PSPC1: variants seen among roughly 807,000 people sequenced by gnomAD.
PSPC1 encodes paraspeckle component 1.
Under a neutral mutation model 51.6 loss-of-function variants are expected in PSPC1, and 14 were observed. That is an observed-to-expected ratio of 0.27 (90% confidence interval 0.18 to 0.42). PSPC1 has a LOEUF of 0.42. PSPC1 is among the 10% of genes least tolerant of loss of function. The probability of loss-of-function intolerance (pLI) is 1.00; values close to 1 mark genes in which losing one functional copy is unlikely to be tolerated. For synonymous variants in PSPC1, 193 were observed against 231.9 expected, an observed-to-expected ratio of 0.83 and a Z score of 1.53; for missense variants, 406 against 701.1, an observed-to-expected ratio of 0.58 and a Z score of 4.75.
At chr13:19,741,242 A>C (rs575204571) in intron 5 of PSPC1, among the ~76,000 whole-genome samples, 1 of 152,206 alleles carries the variant, frequency 6.6e-6, no homozygotes, top group African/African-American at 2.4e-5. Context: ...AGAGTTTTAC[A>C]CATAACAAAA....
At chr13:19,703,744 G>C (rs1403962369) in intron 8 of PSPC1, among the ~76,000 whole-genome samples, 1 of 151,738 alleles carries the variant, frequency 6.6e-6, no homozygotes, top group African/African-American at 2.4e-5. Flanking sequence ...AAAAAAATCA[G>C]AGAAATAAAA....
downstream of PSPC1, chr13:19,671,310 T>A: frequency 6.3e-7 from 1 of 1,586,540 alleles, no homozygotes; most frequent in Non-Finnish European, 8.6e-7. Context: ...TTTCTTCACA[T>A]TTAGTGTCAC....
At chr13:19,764,001 T>C (rs1234151234) in intron 2 of PSPC1, among the ~76,000 whole-genome samples, 1 of 149,908 alleles carries the variant, frequency 6.7e-6, no homozygotes, top group African/African-American at 2.5e-5. Flanking sequence ...AAACCCTGTC[T>C]CGGAAAAAAA....
chr13:19,732,016 T>C (rs1334854161), intron 5 of PSPC1, among the ~76,000 whole-genome samples: 1 of 152,196 alleles, frequency 6.6e-6, no homozygotes, highest in Non-Finnish European at 1.5e-5. Flanking sequence ...AATCCTCAAA[T>C]TTCAAGATAC....
At chr13:19,681,034 A>T (rs1182034690) in intron 6 of PSPC1, among the ~76,000 whole-genome samples, 1 of 152,140 alleles carries the variant, frequency 6.6e-6, no homozygotes, top group African/African-American at 2.4e-5. Flanking sequence ...CGTGGGCAAC[A>T]TAGCAAGATG....
intron 2 of PSPC1, among the ~76,000 whole-genome samples, chr13:19,767,297 G>A (rs1403692269): frequency 6.6e-6 from 1 of 152,172 alleles, no homozygotes; most frequent in East Asian, 1.9e-4. Flanking sequence ...GATATAGCAC[G>A]AATTTCAGTT....
At chr13:19,686,841 G>T (rs1029662604) in intron 6 of PSPC1, among the ~76,000 whole-genome samples, 1 of 152,164 alleles carries the variant, frequency 6.6e-6, no homozygotes, top group Non-Finnish European at 1.5e-5. Flanking sequence ...ATAAGAGAAT[G>T]GGGTTAGTCC....
At chr13:19,677,969 T>C (rs778488533) in intron 6 of PSPC1, 2 of 342,562 alleles carry the variant, frequency 5.8e-6, no homozygotes, top group Non-Finnish European at 1.2e-5. Flanking sequence ...ATTATTTCCA[T>C]TCAGTAAGGA....
intron 1 of PSPC1, among the ~76,000 whole-genome samples, chr13:19,779,395 C>T (rs1428846142): frequency 2.1e-5 from 2 of 96,194 alleles, no homozygotes; most frequent in Admixed American, 9.3e-5. Context: ...GTCAGCCCCC[C>T]GCCCGGCCAG....
intron 6 of PSPC1, among the ~76,000 whole-genome samples, chr13:19,717,755 T>C (rs1484058815): frequency 1.3e-5 from 2 of 148,970 alleles, no homozygotes; most frequent in African/African-American, 4.9e-5. Context: ...GGTGCACCCC[T>C]GTATCCCAGC....
At position 19,782,414 on chromosome 13, in the gene PSPC1, C is replaced by G; in HGVS notation, c.344G>C (p.Arg115Pro). The change falls in exon 1 of 9, where the codon CGG (arginine) becomes CCG (proline). Residue 115 changes from arginine to proline, a missense_variant. Arg to Pro is a moderately radical substitution (Grantham distance 103). Coordinates refer to ENST00000338910, the MANE Select transcript of PSPC1 (RefSeq NM_001354909.2). The surrounding 1 kb of genome is among the most constrained non-coding windows in gnomAD (Gnocchi z 4.5). ...YGEPSEVFIN[R>P]DRGFGFIRLE... Reference sequence around the variant, plus strand: ...GCGGATGAAGCCGAAGCCACGGTCCCGGTTGATGAAGACTTCGCTGGGCTC... The same window carrying G: ...GCGGATGAAGCCGAAGCCACGGTCCGGGTTGATGAAGACTTCGCTGGGCTC... 1 of 1,602,162 alleles carries G rather than the reference C, an allele frequency of 6.2e-7. No individual in the cohort carries two copies. The highest frequency in any genetic ancestry group is 8.5e-7 in the Non-Finnish European group (1 of 1,174,044).
Position 19,782,368 on chromosome 13 carries a change from C to A in PSPC1, c.372+18G>T, listed in dbSNP as rs1048103766. 20 of 1,562,954 alleles carry A rather than the reference C, an allele frequency of 1.3e-5. No individual in the cohort carries two copies. Among genetic ancestry groups the A allele is most frequent in the Non-Finnish European group, 1.6e-5 (18 of 1,155,178 alleles). On this transcript the variant is annotated intron_variant, in intron 1 of 8. Coordinates refer to ENST00000338910, the MANE Select transcript of PSPC1 (RefSeq NM_001354909.2). The surrounding 1 kb of genome is among the most constrained non-coding windows in gnomAD (Gnocchi z 4.5). Reference sequence around the variant, plus strand: ...CCGACAGTCCTTTTGTTCCCTCGCGCGGGCGCCTGACACTCACCAAGCGGA... The same window carrying A: ...CCGACAGTCCTTTTGTTCCCTCGCGAGGGCGCCTGACACTCACCAAGCGGA...
chr13:19,718,147 T>A (rs1328685297), intron 6 of PSPC1, among the ~76,000 whole-genome samples: 1 of 152,208 alleles, frequency 6.6e-6, no homozygotes, highest in African/African-American at 2.4e-5. Flanking sequence ...TAGTGAATGC[T>A]TGGAAAACTT....
At chr13:19,699,809 CTG>C (rs1162808666), downstream of PSPC1, among the ~76,000 whole-genome samples, 2 of 152,012 alleles carry the variant, frequency 1.3e-5, no homozygotes, top group Non-Finnish European at 2.9e-5. Context: ...TGGATATTTA[CTG>C]CCTTATTCTT....
At chr13:19,688,082 TAAGA>T (rs565947546) in intron 6 of PSPC1, among the ~76,000 whole-genome samples, 3 of 152,114 alleles carry the variant, frequency 2.0e-5, no homozygotes, top group Non-Finnish European at 4.4e-5. Context: ...ACACACTCAC[TAAGA>T]TAGATACTAC....
chr13:19,671,948 C>T, downstream of PSPC1: 18 of 1,461,642 alleles, frequency 1.2e-5, 1 homozygote, highest in South Asian at 2.1e-4. Flanking sequence ...GTTTGGAATT[C>T]TTCTAGCACA....
intron 5 of PSPC1, among the ~76,000 whole-genome samples, chr13:19,733,851 G>A (rs1394718727): frequency 6.6e-6 from 1 of 151,742 alleles, no homozygotes; most frequent in South Asian, 2.1e-4. Flanking sequence ...TACTAGGGAG[G>A]CTAAGGTGGG....
chr13:19,742,882 G>A (rs550891439), intron 4 of PSPC1, among the ~76,000 whole-genome samples: 1 of 151,982 alleles, frequency 6.6e-6, no homozygotes, highest in Admixed American at 6.6e-5. Context: ...CTCGCAACAC[G>A]ATTAGCATGA....
chr13:19,768,466 G>C (rs1444126742), intron 2 of PSPC1, among the ~76,000 whole-genome samples: 1 of 148,048 alleles, frequency 6.8e-6, no homozygotes, highest in Non-Finnish European at 1.5e-5. Flanking sequence ...GCTAACATGT[G>C]AAACCCTGTC....
Sources: allele counts gnomAD v4.1 joint callset (sites outside exome capture counted in the v4.1 genomes callset), GRCh38; gene constraint gnomAD v4.1.1; non-coding constraint Gnocchi (gnomAD v3.1); transcripts MANE v1.5; gene names NCBI Gene and HGNC (gene_info 2026-07-23, HGNC 2026-07-21).